Variants in USP25 observed in about 807,000 individuals in gnomAD.
USP25 encodes the protein ubiquitin carboxyl-terminal hydrolase 25.
Under a neutral mutation model 158.5 loss-of-function variants are expected in USP25, and 85 were observed. That is an observed-to-expected ratio of 0.54 (90% CI 0.45 to 0.64). USP25 has a LOEUF of 0.64. USP25 is among the 30% of genes least tolerant of loss of function. The pLI, the probability that USP25 is intolerant of heterozygous loss-of-function variation, is 0.00. For missense variants in USP25, 1,242 were observed against 1,327.3 expected (o/e 0.94, Z 1.00); for synonymous variants, 464 against 460.4 (o/e 1.01, Z -0.10).
At chr21:15,863,340 A>G (rs1365478094) in intron 20 of USP25, among the ~76,000 whole-genome samples, 2 of 152,160 alleles carry the variant, frequency 1.3e-5, no homozygotes, top group Non-Finnish European at 2.9e-5. Context: ...ATATATTATC[A>G]TTATTATTCT....
In USP25 at chr21:15,811,162, A is replaced by T; in HGVS notation, c.883A>T (p.Met295Leu). ...ETDEEKPKNP[M>L]VELFYGRFLA... ...GGATGAAGAGAAGCCAAAGAACCCC[A>T]TGGTAGAGTTGTTCTATGGCAGATT... is the stretch of plus-strand genomic sequence containing the variant. The change falls in exon 9 of 26, where the codon ATG becomes TTG. Residue 295 changes from methionine to leucine, a missense_variant. This residue lies in a region of USP25 where 627 missense variants were observed against 701.4 expected (regional missense o/e 0.89). Coordinates refer to ENST00000400183, the MANE Select transcript of USP25 (RefSeq NM_001283041.3). The T allele has an allele frequency of 6.2e-7, 1 of 1,612,850 alleles. No homozygotes were observed. The highest frequency in any genetic ancestry group is 8.5e-7 in the Non-Finnish European group (1 of 1,179,552).
chr21:15,787,903 C>A, intron 4 of USP25, among the ~76,000 whole-genome samples: 1 of 58,206 alleles, frequency 1.7e-5, no homozygotes. Flanking sequence ...CACCCCCTCA[C>A]CCCCCCCCCA....
At chr21:15,823,068 TA>T (rs1329539820) in intron 10 of USP25, among the ~76,000 whole-genome samples, 1 of 152,062 alleles carries the variant, frequency 6.6e-6, no homozygotes, top group African/African-American at 2.4e-5. Flanking sequence ...TGTTCAAATT[TA>T]AATTTGGTAT....
intron 10 of USP25, 41 bp from the exon 11 acceptor site, chr21:15,823,998 G>A (rs1350379730): frequency 6.3e-7 from 1 of 1,582,582 alleles, no homozygotes; most frequent in East Asian, 2.3e-5. Context: ...AGAAAACAAA[G>A]GTGGTATTAA....
intron 1 of USP25, among the ~76,000 whole-genome samples, chr21:15,755,131 A>T (rs2033290375): frequency 6.6e-6 from 1 of 151,962 alleles, no homozygotes; most frequent in Non-Finnish European, 1.5e-5. Context: ...AAGTTTAAGA[A>T]TGTCTTTGGA....
intron 6 of USP25, among the ~76,000 whole-genome samples, chr21:15,802,767 G>T (rs968707485): frequency 1.1e-4 from 16 of 151,524 alleles, no homozygotes; most frequent in Non-Finnish European, 5.9e-5. Flanking sequence ...TAAAGGGCAC[G>T]TTAATCTCAA....
chr21:15,793,979 A>G (rs1410339458), intron 5 of USP25, among the ~76,000 whole-genome samples: 2 of 151,602 alleles, frequency 1.3e-5, no homozygotes, highest in Admixed American at 6.6e-5. Flanking sequence ...CCAAAAATCT[A>G]CCATAGTGTT....
chr21:15,827,566 C>G (rs1325812862), intron 14 of USP25, among the ~76,000 whole-genome samples: 1 of 152,144 alleles, frequency 6.6e-6, no homozygotes, highest in African/African-American at 2.4e-5. Context: ...TAAGTTTGCA[C>G]AGGGAGTTCC....
At chr21:15,785,959 A>C (rs2035248094) in intron 4 of USP25, among the ~76,000 whole-genome samples, 1 of 152,168 alleles carries the variant, frequency 6.6e-6, no homozygotes, top group Non-Finnish European at 1.5e-5. Context: ...CAGACATGAA[A>C]AATGAAACAT....
intron 17 of USP25, among the ~76,000 whole-genome samples, chr21:15,834,479 G>A (rs902645838): frequency 3.9e-5 from 6 of 151,980 alleles, no homozygotes; most frequent in African/African-American, 1.4e-4. Flanking sequence ...TTTTAAGGAA[G>A]TAGTTCCAGC....
intron 20 of USP25, among the ~76,000 whole-genome samples, chr21:15,862,632 C>T (rs2039477504): frequency 2.7e-5 from 4 of 145,692 alleles, no homozygotes; most frequent in African/African-American, 5.0e-5. Context: ...CTAAGAGAAG[C>T]TTATGTGTGC....
chr21:15,805,013 A>T, intron 6 of USP25, 108 bp from the exon 7 acceptor site: 1 of 1,178,400 alleles, frequency 8.5e-7, no homozygotes, highest in Non-Finnish European at 1.1e-6. Context: ...TCCCTAAACT[A>T]TATTGGCTAG....
At chr21:15,835,727 GTAA>G (rs1214898372) in intron 17 of USP25, among the ~76,000 whole-genome samples, 1 of 152,126 alleles carries the variant, frequency 6.6e-6, no homozygotes, top group Non-Finnish European at 1.5e-5. Context: ...GAAAGCAGTG[GTAA>G]TACTACTTCT....
At position 15,793,147 on chromosome 21, in the gene USP25, T is replaced by C. The variant is rs547759914; in HGVS notation, c.555+1483T>C. Among the ~76,000 whole-genome samples, 9 of 151,784 alleles carry C rather than the reference T, an allele frequency of 5.9e-5. No homozygotes were observed. The South Asian group carries it at 1.9e-3, about 31-fold the overall frequency. Reference sequence around the variant, plus strand: ...TGCTGCCTGTGTTTGGTCAAGTAGATGCTATCTCAGCACTATTATGGCAAA... The same window carrying C: ...TGCTGCCTGTGTTTGGTCAAGTAGACGCTATCTCAGCACTATTATGGCAAA... On this transcript the variant is annotated intron_variant, in intron 5 of 25. Transcript: ENST00000400183.
intron 25 of USP25, 99 bp from the exon 26 acceptor site, chr21:15,878,204 A>G (rs2040174788): frequency 2.0e-6 from 3 of 1,465,864 alleles, no homozygotes; most frequent in East Asian, 2.4e-5. Context: ...AATGGCAATT[A>G]TCTTACCTAT....
rs1415938623 is a variant in USP25 at position 15,843,590 on chromosome 21, T to C, written c.2337+1050T>C. On this transcript the variant is annotated intron_variant, in intron 18 of 25. Coordinates refer to ENST00000400183, the MANE Select transcript of USP25 (RefSeq NM_001283041.3). The surrounding 1 kb of genome is among the most constrained non-coding windows in gnomAD (Gnocchi z 4.0). ...AAAATGTATTAATTTAAATAGATAT[T>C]TGATGATTCCAAATTTTGCAAATGC... is the stretch of plus-strand genomic sequence containing the variant. Among the ~76,000 whole-genome samples, 29 of 152,218 alleles carry C rather than the reference T, an allele frequency of 1.9e-4. No homozygotes were observed. The highest frequency in any genetic ancestry group is 1.9e-3 in the Admixed American group (29 of 15,284).
At chr21:15,772,347 T>G (rs1290218078) in intron 3 of USP25, among the ~76,000 whole-genome samples, 2 of 152,072 alleles carry the variant, frequency 1.3e-5, no homozygotes, top group Non-Finnish European at 2.9e-5. Flanking sequence ...TAATTTGGAC[T>G]CTCATAAAAA....
Position 15,878,607 on chromosome 21 carries a change from A to G in USP25, c.*132A>G. 1 of 969,764 alleles carries G rather than the reference A, an allele frequency of 1.0e-6. No individual in the cohort carries two copies. The highest frequency in any genetic ancestry group is 1.4e-6 in the Non-Finnish European group (1 of 697,420). 60.1% of individuals were successfully genotyped at this position (969,764 alleles called of 1,614,324 possible). On this transcript the variant is annotated 3_prime_UTR_variant, in exon 26 of 26. Coordinates refer to ENST00000400183, the MANE Select transcript of USP25 (RefSeq NM_001283041.3). ...TATTTTAATAACTGCAAAAGACAAA[A>G]TGACTATACAGACTTTAGTCAGACT...
chr21:15,751,930 T>C (rs1431656434), intron 1 of USP25, among the ~76,000 whole-genome samples: 1 of 152,198 alleles, frequency 6.6e-6, no homozygotes, highest in Non-Finnish European at 1.5e-5. Context: ...TCTTTTACAT[T>C]GTAATTAAAA....
Sources: gnomAD v4.1 joint callset for allele counts (sites outside exome capture counted in the v4.1 genomes callset) on GRCh38, gnomAD v4.1.1 for gene constraint, gnomAD v4.1.1 regional missense constraint, Gnocchi (gnomAD v3.1) non-coding constraint, MANE v1.5 for transcripts, NCBI Gene and HGNC (gene_info 2026-07-23, HGNC 2026-07-21) for gene names.